The following PTPRE variants were observed in gnomAD, a reference collection of about 807,000 sequenced individuals.
PTPRE encodes the protein protein tyrosine phosphatase receptor type E.
A neutral mutation model predicts 102.0 loss-of-function variants in PTPRE; 51 were observed. That is an observed-to-expected ratio of 0.50 (90% CI 0.40 to 0.63). PTPRE has a LOEUF of 0.63. Ranked by LOEUF, PTPRE falls within the 30% of genes least tolerant of loss-of-function variation. The pLI is 0.00. For synonymous variants in PTPRE, 345 were observed against 348.2 expected (o/e 0.99, Z 0.10); for missense variants, 752 against 915.1 (o/e 0.82, Z 2.30).
chr10:128,048,312 C>T (rs946630507), intron 5 of PTPRE, among the ~76,000 whole-genome samples: 1 of 152,188 alleles, frequency 6.6e-6, no homozygotes, highest in African/African-American at 2.4e-5. Context: ...AGTACAGTTT[C>T]GAACTTGTTG....
chr10:128,075,397 G>A (rs1851138527), intron 17 of PTPRE, among the ~76,000 whole-genome samples: 2 of 152,100 alleles, frequency 1.3e-5, no homozygotes, highest in Admixed American at 1.3e-4. Flanking sequence ...TAGGTTTTAA[G>A]CCCTGTATGC....
At chr10:128,067,428 G>A (rs12572309) in intron 11 of PTPRE, among the ~76,000 whole-genome samples, 8 of 147,626 alleles carry the variant, frequency 5.4e-5, no homozygotes, top group African/African-American at 1.0e-4. Flanking sequence ...ACACGTGTAC[G>A]CACCCACATT....
intron 6 of PTPRE, among the ~76,000 whole-genome samples, chr10:128,055,743 G>A (rs1036264392): frequency 9.9e-5 from 15 of 152,084 alleles, no homozygotes; most frequent in Admixed American, 2.6e-4. Context: ...CCCATCTCCC[G>A]GTTCACAGTT....
chr10:127,991,258 C>T (rs1852624826), intron 2 of PTPRE, among the ~76,000 whole-genome samples: 1 of 152,216 alleles, frequency 6.6e-6, no homozygotes, highest in African/African-American at 2.4e-5. Flanking sequence ...GGCTTCCTTC[C>T]AATCTGAAGC....
intron 2 of PTPRE, among the ~76,000 whole-genome samples, chr10:128,021,708 G>A (rs1845903226): frequency 1.3e-5 from 2 of 152,214 alleles, no homozygotes; most frequent in Admixed American, 6.5e-5. Context: ...CTGTGAGACT[G>A]TGCCCCGGAG....
chr10:127,939,211 T>C (rs1316702732), intron 1 of PTPRE, among the ~76,000 whole-genome samples: 1 of 152,192 alleles, frequency 6.6e-6, no homozygotes, highest in Non-Finnish European at 1.5e-5. Context: ...TTCAGTAACA[T>C]GACTTGAGAA....
intron 2 of PTPRE, among the ~76,000 whole-genome samples, chr10:128,033,704 G>A (rs1415912392): frequency 6.6e-6 from 1 of 152,206 alleles, no homozygotes; most frequent in Non-Finnish European, 1.5e-5. Context: ...GAGTGCAGTG[G>A]CACAATCTCG....
At chr10:128,080,507 G>A (rs1851611622) in intron 20 of PTPRE, among the ~76,000 whole-genome samples, 2 of 152,168 alleles carry the variant, frequency 1.3e-5, no homozygotes, top group South Asian at 2.1e-4. Flanking sequence ...CACACCCAAC[G>A]ACCTACAGCA....
At chr10:127,947,202 C>A (rs919327656) in intron 1 of PTPRE, among the ~76,000 whole-genome samples, 1 of 151,994 alleles carries the variant, frequency 6.6e-6, no homozygotes, top group African/African-American at 2.4e-5. Flanking sequence ...ATACAGTGAT[C>A]ACATTTATTT....
chr10:127,964,541 A>G, intron 1 of PTPRE, among the ~76,000 whole-genome samples: 1 of 150,930 alleles, frequency 6.6e-6, no homozygotes, highest in Non-Finnish European at 1.5e-5. Flanking sequence ...GTCCTTAAGA[A>G]TTAATGAAGT....
Position 128,041,675 on chromosome 10 carries a change from T to C in PTPRE, c.109+685T>C, listed in dbSNP as rs545111155. Among the ~76,000 whole-genome samples the C allele has an allele frequency of 2.5e-3, 365 of 146,442 alleles. 1 individual carries two copies. The highest frequency in any genetic ancestry group is 4.6e-3 in the Non-Finnish European group (308 of 66,732). ...AAAAAAAAAAAAAAAAAAAAAAGAA[T>C]TATTCTTAATATTTTAGGTCAGATA... is the stretch of plus-strand genomic sequence containing the variant. On this transcript the variant is annotated intron_variant, in intron 3 of 20. Coordinates refer to ENST00000254667, the MANE Select transcript of PTPRE (RefSeq NM_006504.6).
Position 128,070,756 on chromosome 10 carries a change from G to A in PTPRE, c.1294-52G>A, listed in dbSNP as rs1399615496. The A allele has an allele frequency of 6.4e-7, 1 of 1,565,248 alleles. No homozygotes were observed. The highest frequency in any genetic ancestry group is 1.4e-5 in the African/African-American group (1 of 73,942). ...GCACTAGTCCTCGGCTGAGCAATGT[G>A]CTCAGGAGTGTCAGAGGTTTAACTG... On this transcript the variant is annotated intron_variant, in intron 14 of 20. Transcript: ENST00000254667. The surrounding 1 kb of genome is among the most constrained non-coding windows in gnomAD (Gnocchi z 4.8).
intron 7 of PTPRE, 145 bp from the exon 8 acceptor site, chr10:128,060,794 C>A: frequency 2.9e-6 from 2 of 679,716 alleles, no homozygotes; most frequent in Admixed American, 2.4e-5. Flanking sequence ...AACATCTCTG[C>A]CATCCCTGGT....
At position 128,077,667 on chromosome 10, in the gene PTPRE, C is replaced by A; in HGVS notation, c.1776C>A (p.Phe592Leu). Residue 592 changes from phenylalanine to leucine, a missense_variant, in exon 19 of 21, where the codon TTC (phenylalanine) becomes TTA (leucine). By Grantham distance (22) the Phe-to-Leu change is conservative. This residue lies in a region of PTPRE where 636 missense variants were observed against 824.4 expected (regional missense o/e 0.77). Transcript: ENST00000254667. ...TCCGAGTAGTGCGCCAGTTTCACTTCCACGGCTGGCCTGAGATCGGGATTC... is the reference window on the plus strand; with the variant it reads ...TCCGAGTAGTGCGCCAGTTTCACTTACACGGCTGGCCTGAGATCGGGATTC... The part of the protein sequence containing the change: ...EQVRVVRQFH[F>L]HGWPEIGIPA... 1 of 1,613,670 alleles carries A rather than the reference C, an allele frequency of 6.2e-7. No individual in the cohort carries two copies. The highest frequency in any genetic ancestry group is 8.5e-7 in the Non-Finnish European group (1 of 1,179,642).
At chr10:128,067,571 C>T in intron 11 of PTPRE, among the ~76,000 whole-genome samples, 1 of 152,250 alleles carries the variant, frequency 6.6e-6, no homozygotes. Context: ...CACACATCTA[C>T]TTCCAAATAC....
chr10:128,027,044 G>A (rs1340663641), intron 2 of PTPRE, among the ~76,000 whole-genome samples: 5 of 152,320 alleles, frequency 3.3e-5, no homozygotes, highest in Admixed American at 1.3e-4. Flanking sequence ...ATTAGATACA[G>A]ACGCAGAGAG....
At chr10:128,039,227 G>A (rs549629029) in intron 2 of PTPRE, among the ~76,000 whole-genome samples, 2 of 152,194 alleles carry the variant, frequency 1.3e-5, no homozygotes, top group Non-Finnish European at 2.9e-5. Context: ...TGTCGTAGAA[G>A]GGCCAGGGCA....
intron 6 of PTPRE, among the ~76,000 whole-genome samples, chr10:128,051,208 G>T (rs966520104): frequency 1.3e-5 from 2 of 152,170 alleles, no homozygotes; most frequent in African/African-American, 4.8e-5. Context: ...TGCTGATGGG[G>T]GTGTCTGAGT....
chr10:127,921,005 C>T (rs561369308), intron 1 of PTPRE, among the ~76,000 whole-genome samples: 1 of 152,342 alleles, frequency 6.6e-6, no homozygotes, highest in South Asian at 2.1e-4. Context: ...CTCAAAGCTT[C>T]CTCGGTGTCT....
Sources: allele counts gnomAD v4.1 joint callset (sites outside exome capture counted in the v4.1 genomes callset), GRCh38; gene constraint gnomAD v4.1.1; regional missense constraint gnomAD v4.1.1; non-coding constraint Gnocchi (gnomAD v3.1); transcripts MANE v1.5; gene names NCBI Gene and HGNC (gene_info 2026-07-23, HGNC 2026-07-21).